ARSB: variants seen among roughly 807,000 people sequenced by gnomAD.
ARSB encodes the protein arylsulfatase B, also known as N-acetylgalactosamine-4-sulfatase.
In ARSB, 41 loss-of-function variants were observed where a neutral mutation model predicts 50.9. The observed-to-expected ratio is 0.81, with a 90% CI of 0.63 to 1.04. The LOEUF (loss-of-function observed/expected upper bound fraction) is 1.04, where lower values mean the gene tolerates loss of function less well. Among genes scored for constraint, ARSB ranks in the 50% least tolerant of loss-of-function variants. The pLI is 0.00. For synonymous variants in ARSB, 269 were observed against 284.8 expected, an observed-to-expected ratio of 0.94 and a Z score of 0.56; for missense variants, 672 against 693.3, an observed-to-expected ratio of 0.97 and a Z score of 0.35.
At chr5:78,941,517 T>G (rs1275799853) in intron 4 of ARSB, among the ~76,000 whole-genome samples, 1 of 152,226 alleles carries the variant, frequency 6.6e-6, no homozygotes. Flanking sequence ...GTCAAAGGCC[T>G]TTTCTGCATC....
At chr5:78,809,099 C>T (rs962337179) in intron 6 of ARSB, among the ~76,000 whole-genome samples, 7 of 152,156 alleles carry the variant, frequency 4.6e-5, no homozygotes, top group African/African-American at 1.7e-4. Context: ...ATGTCCAGGT[C>T]CCTGTCTTGG....
chr5:78,876,991 C>G (rs1203141598), intron 5 of ARSB, among the ~76,000 whole-genome samples: 1 of 152,144 alleles, frequency 6.6e-6, no homozygotes, highest in Non-Finnish European at 1.5e-5. Flanking sequence ...AAACTATCCC[C>G]CGACCAACCC....
chr5:78,845,576 C>T (rs1273540937), intron 5 of ARSB, among the ~76,000 whole-genome samples: 5 of 151,992 alleles, frequency 3.3e-5, no homozygotes, highest in Admixed American at 6.6e-5. Flanking sequence ...CCATTCTAAC[C>T]GGGTTGAGAT....
At chr5:78,834,607 G>GTGTGTATA (rs1185355030) in intron 6 of ARSB, among the ~76,000 whole-genome samples, 1,845 of 85,616 alleles carry the variant, frequency 0.022, 71 homozygotes, top group East Asian at 0.046. Context: ...ATATATATGT[G>GTGTGTATA]TATATATATA....
At chr5:78,855,631 G>A (rs1746101393) in intron 5 of ARSB, among the ~76,000 whole-genome samples, 1 of 152,182 alleles carries the variant, frequency 6.6e-6, no homozygotes, top group Non-Finnish European at 1.5e-5. Context: ...GGGCCACAGG[G>A]TGTGGATCAT....
chr5:78,806,502 C>T (rs1330962221), intron 6 of ARSB, among the ~76,000 whole-genome samples: 1 of 152,230 alleles, frequency 6.6e-6, no homozygotes, highest in Non-Finnish European at 1.5e-5. Context: ...AGGATTGATG[C>T]TTTCAGCCTC....
At chr5:78,891,850 G>A (rs187146569) in intron 4 of ARSB, among the ~76,000 whole-genome samples, 6 of 147,276 alleles carry the variant, frequency 4.1e-5, no homozygotes, top group Admixed American at 2.0e-4. Context: ...AAAAGGTATA[G>A]GTCTAGGTGT....
intron 4 of ARSB, among the ~76,000 whole-genome samples, chr5:78,934,882 A>C (rs995361396): frequency 2.0e-5 from 3 of 152,132 alleles, no homozygotes; most frequent in Admixed American, 2.0e-4. Flanking sequence ...TTATGAAACC[A>C]TAAATATTTA....
At chr5:78,892,780 T>C (rs1748374518) in intron 4 of ARSB, among the ~76,000 whole-genome samples, 1 of 152,172 alleles carries the variant, frequency 6.6e-6, no homozygotes, top group East Asian at 1.9e-4. Flanking sequence ...TGATTATTCG[T>C]AGGGGTTTAA....
At chr5:78,817,501 A>G (rs576038108) in intron 6 of ARSB, among the ~76,000 whole-genome samples, 1 of 152,298 alleles carries the variant, frequency 6.6e-6, no homozygotes, top group South Asian at 2.1e-4. Flanking sequence ...TTTGAACAGA[A>G]ATAAATCAAA....
intron 6 of ARSB, among the ~76,000 whole-genome samples, chr5:78,804,517 G>A (rs191085425): frequency 6.6e-6 from 1 of 152,268 alleles, no homozygotes; most frequent in Non-Finnish European, 1.5e-5. Flanking sequence ...TATCAAGCAG[G>A]GTGAAAACAC....
chr5:78,941,310 T>C (rs1337274826), intron 4 of ARSB, among the ~76,000 whole-genome samples: 5 of 150,892 alleles, frequency 3.3e-5, no homozygotes, highest in African/African-American at 1.2e-4. Context: ...GGCCAGAACT[T>C]CCAACACTAT....
At chr5:78,840,121 A>T (rs1745136036) in intron 5 of ARSB, among the ~76,000 whole-genome samples, 1 of 152,212 alleles carries the variant, frequency 6.6e-6, no homozygotes, top group South Asian at 2.1e-4. Context: ...GTTCTTAAGA[A>T]ATTGGGAGCA....
chr5:78,841,065 T>C (rs1745175945), intron 5 of ARSB, among the ~76,000 whole-genome samples: 1 of 151,950 alleles, frequency 6.6e-6, no homozygotes, highest in Non-Finnish European at 1.5e-5. Flanking sequence ...GAGGCTGAGA[T>C]GGGAGGATCC....
intron 7 of ARSB, 54 bp downstream of exon 7, chr5:78,781,798 C>A (rs551775820): frequency 1.9e-6 from 3 of 1,611,590 alleles, no homozygotes; most frequent in Non-Finnish European, 2.5e-6. Context: ...CCTGAGGACA[C>A]AGCCCTGCTT....
chr5:78,926,334 C>A (rs141125299), intron 4 of ARSB, among the ~76,000 whole-genome samples: 1 of 152,180 alleles, frequency 6.6e-6, no homozygotes, highest in East Asian at 1.9e-4. Context: ...TTGCATTCTG[C>A]ATTGATGAAA....
intron 6 of ARSB, among the ~76,000 whole-genome samples, chr5:78,833,202 T>C (rs1472439038): frequency 2.6e-5 from 4 of 152,146 alleles, no homozygotes; most frequent in Non-Finnish European, 5.9e-5. Flanking sequence ...CAGGACCTCT[T>C]GCCTACCCTG....
At chr5:78,819,127 C>T (rs1001788427) in intron 6 of ARSB, among the ~76,000 whole-genome samples, 4 of 152,166 alleles carry the variant, frequency 2.6e-5, no homozygotes, top group Non-Finnish European at 5.9e-5. Context: ...GAGAAAAGGG[C>T]CAGGCGGCAG....
In ARSB at chr5:78,969,134, A is replaced by G; in HGVS notation, c.371T>C (p.Leu124Pro). The change falls in exon 2 of 8, where the codon CTG becomes CCG. Residue 124 changes from leucine to proline, a missense_variant. Transcript: ENST00000264914. Reference sequence around the variant, plus strand: ...GAGCTGGGGCAGGAGTTTTTCATCCAGAGGAACACAGCTGGGCTGACAGGG... The same window carrying G: ...GAGCTGGGGCAGGAGTTTTTCATCCGGAGGAACACAGCTGGGCTGACAGGG... ...IWPCQPSCVP[L>P]DEKLLPQLLK... The G allele has an allele frequency of 6.2e-7, 1 of 1,614,188 alleles. No individual in the cohort carries two copies. Among genetic ancestry groups the G allele is most frequent in the Non-Finnish European group, 8.5e-7 (1 of 1,180,030 alleles).
Sources: allele counts gnomAD v4.1 joint callset (sites outside exome capture counted in the v4.1 genomes callset), GRCh38; gene constraint gnomAD v4.1.1; transcripts MANE v1.5; gene names NCBI Gene and HGNC (gene_info 2026-07-23, HGNC 2026-07-21).